Variants in HMGCLL1 observed in about 807,000 individuals in gnomAD.
HMGCLL1 encodes the protein 3-hydroxymethyl-3-methylglutaryl-CoA lyase, cytoplasmic.
In HMGCLL1, 36 loss-of-function variants were observed where a neutral mutation model predicts 39.1. That is an observed-to-expected ratio of 0.92 (90% CI 0.71 to 1.22). The LOEUF (loss-of-function observed/expected upper bound fraction) is 1.22. Ranked by LOEUF, HMGCLL1 falls within the 50% of genes most tolerant of loss-of-function variation. The pLI, the probability that HMGCLL1 is intolerant of heterozygous loss-of-function variation, is 0.00. For synonymous variants in HMGCLL1, 149 were observed against 144.0 expected (o/e 1.03, Z -0.25); for missense variants, 451 against 416.5 (o/e 1.08, Z -0.72).
chr6:55,559,484 G>A (rs944073824), intron 1 of HMGCLL1, among the ~76,000 whole-genome samples: 3 of 152,156 alleles, frequency 2.0e-5, no homozygotes, highest in African/African-American at 7.2e-5. Flanking sequence ...TACTTTCTGA[G>A]TGAAGTGGTA....
chr6:55,588,504 C>T, the HMGCLL1 span, among the ~76,000 whole-genome samples: 1 of 151,892 alleles, frequency 6.6e-6, no homozygotes, highest in East Asian at 1.9e-4. Flanking sequence ...ACTAGAGAAG[C>T]AAGAGCAAAC....
chr6:55,531,779 G>A (rs543064654), intron 3 of HMGCLL1, among the ~76,000 whole-genome samples: 1 of 152,202 alleles, frequency 6.6e-6, no homozygotes, highest in African/African-American at 2.4e-5. Flanking sequence ...GATTTTCATA[G>A]GAGTGCATGC....
chr6:55,656,052 T>G, the HMGCLL1 span, among the ~76,000 whole-genome samples: 2 of 152,012 alleles, frequency 1.3e-5, no homozygotes, highest in African/African-American at 2.4e-5. Flanking sequence ...AATATATCTA[T>G]CCAAGATTTC....
At chr6:55,660,873 G>A in the HMGCLL1 span, among the ~76,000 whole-genome samples, 3 of 151,792 alleles carry the variant, frequency 2.0e-5, no homozygotes, top group Middle Eastern at 3.4e-3. Flanking sequence ...TCTTAACCTT[G>A]CCAGCATCTG....
At chr6:55,444,598 CA>C (rs892251863) in intron 7 of HMGCLL1, among the ~76,000 whole-genome samples, 1 of 151,710 alleles carries the variant, frequency 6.6e-6, no homozygotes, top group Admixed American at 6.6e-5. Context: ...TTTCTAAAAG[CA>C]AAAAGGATTT....
the HMGCLL1 span, among the ~76,000 whole-genome samples, chr6:55,655,538 A>AGATAGATAGATAGAT: frequency 1.3e-5 from 2 of 149,138 alleles, no homozygotes; most frequent in South Asian, 2.1e-4. Context: ...TTATATTGGT[A>AGATAGATAGATAGAT]GATAGATAGA....
chr6:55,677,792 G>C, the HMGCLL1 span, among the ~76,000 whole-genome samples: 3 of 152,176 alleles, frequency 2.0e-5, no homozygotes, highest in Non-Finnish European at 4.4e-5. Context: ...TAATATCACA[G>C]TAACCTTTGC....
rs777504711 is a variant in HMGCLL1, at chr6:55,578,993, A to G, written c.63T>C (p.His21=). 5 of 1,613,672 alleles carry G rather than the reference A, an allele frequency of 3.1e-6. No individual in the cohort carries two copies. The highest frequency in any genetic ancestry group is 1.7e-5 in the Admixed American group (1 of 59,990). The change falls in exon 1 of 9, where the codon CAT becomes CAC. Residue 21 remains histidine, a synonymous_variant. Coordinates refer to ENST00000274901, the MANE Select transcript of HMGCLL1 (RefSeq NM_001042406.2). ...CTGCCACTGAATCCCCGATCCAGAGATGCTCCCGGAGAAGCTGCTGGTAGC... is the reference window on the plus strand; with the variant it reads ...CTGCCACTGAATCCCCGATCCAGAGGTGCTCCCGGAGAAGCTGCTGGTAGC... ...CLSYQQLLRE[H]LWIGDSVAGA...
chr6:55,532,028 C>T (rs1023310884), intron 3 of HMGCLL1, among the ~76,000 whole-genome samples: 7 of 152,120 alleles, frequency 4.6e-5, no homozygotes, highest in Non-Finnish European at 7.3e-5. Flanking sequence ...CCCACCTCCC[C>T]GTTTGTGGAA....
intron 1 of HMGCLL1, among the ~76,000 whole-genome samples, chr6:55,552,348 T>C (rs985121207): frequency 2.0e-5 from 3 of 152,054 alleles, no homozygotes; most frequent in African/African-American, 7.3e-5. Flanking sequence ...CAGGTGCATC[T>C]TCTAGGCATT....
At chr6:55,581,287 T>A (rs1771982757), upstream of HMGCLL1, among the ~76,000 whole-genome samples, 1 of 152,148 alleles carries the variant, frequency 6.6e-6, no homozygotes, top group Admixed American at 6.5e-5. Flanking sequence ...ACGTGTTTTT[T>A]TACAGAAAAG....
chr6:55,541,754 A>G lies in HMGCLL1; in HGVS notation c.272T>C (p.Phe91Ser). 6.2e-7 allele frequency: 1 copy of G among 1,601,308 alleles called. No individual in the cohort carries two copies. The highest frequency in any genetic ancestry group is 8.5e-7 in the Non-Finnish European group (1 of 1,173,014). ...TGLSVIEVTSFVSSRWVPQMA... is the reference protein window; with the variant it reads ...TGLSVIEVTSSVSSRWVPQMA... ...CTGTGGTACCCATCTGGAAGACACAAAGCTAGTCACTTCTATTACAGACAA... is the reference window on the plus strand; with the variant it reads ...CTGTGGTACCCATCTGGAAGACACAGAGCTAGTCACTTCTATTACAGACAA... The change falls in exon 3 of 9, where the codon TTT (phenylalanine) becomes TCT (serine). Residue 91 changes from phenylalanine (F) to serine (S), a missense_variant. Coordinates refer to ENST00000274901, the MANE Select transcript of HMGCLL1 (RefSeq NM_001042406.2).
the HMGCLL1 span, among the ~76,000 whole-genome samples, chr6:55,640,550 T>C: frequency 4.0e-5 from 6 of 151,862 alleles, no homozygotes; most frequent in South Asian, 1.0e-3. Flanking sequence ...AAACCTCACA[T>C]TCAAGATTGT....
At chr6:55,521,047 A>C (rs946410575) in intron 3 of HMGCLL1, among the ~76,000 whole-genome samples, 1 of 152,126 alleles carries the variant, frequency 6.6e-6, no homozygotes, top group African/African-American at 2.4e-5. Context: ...ATTTGCTACT[A>C]ACTCTTATCA....
chr6:55,465,177 T>C (rs1185862428), intron 7 of HMGCLL1, among the ~76,000 whole-genome samples: 5 of 152,198 alleles, frequency 3.3e-5, no homozygotes, highest in Non-Finnish European at 7.4e-5. Flanking sequence ...TAGTACTTTA[T>C]TGTTTTTGCT....
At chr6:55,518,169 G>A (rs1581888487) in intron 3 of HMGCLL1, among the ~76,000 whole-genome samples, 4 of 152,240 alleles carry the variant, frequency 2.6e-5, no homozygotes, top group Admixed American at 2.6e-4. Flanking sequence ...TTACTTTCCT[G>A]GGGGAAAATG....
At chr6:55,596,998 C>T in the HMGCLL1 span, among the ~76,000 whole-genome samples, 2 of 151,762 alleles carry the variant, frequency 1.3e-5, no homozygotes, top group Non-Finnish European at 2.9e-5. Context: ...TAAAATAACA[C>T]GTTATATATA....
At chr6:55,663,273 G>A in the HMGCLL1 span, among the ~76,000 whole-genome samples, 1 of 151,688 alleles carries the variant, frequency 6.6e-6, no homozygotes, top group African/African-American at 2.4e-5. Flanking sequence ...CAGTTGCAAT[G>A]TTAGGTTGTT....
chr6:55,585,946 G>C, the HMGCLL1 span, among the ~76,000 whole-genome samples: 1 of 152,040 alleles, frequency 6.6e-6, no homozygotes, highest in African/African-American at 2.4e-5. Flanking sequence ...ATTTTAATTA[G>C]AGGAGTATAA....
Sources: allele counts gnomAD v4.1 joint callset (sites outside exome capture counted in the v4.1 genomes callset), GRCh38; gene constraint gnomAD v4.1.1; transcripts MANE v1.5; gene names NCBI Gene and HGNC (gene_info 2026-07-23, HGNC 2026-07-21).